The following SNTB1 variants were observed in gnomAD, a reference collection of about 807,000 sequenced individuals.
SNTB1 encodes the protein syntrophin beta 1.
In SNTB1, 36 loss-of-function variants were observed where a neutral mutation model predicts 48.9. The observed-to-expected ratio is 0.74, with a 90% CI of 0.56 to 0.97. The LOEUF is 0.97. Ranked by LOEUF, SNTB1 falls within the 50% of genes least tolerant of loss-of-function variation. SNTB1 has a pLI of 0.00. For synonymous variants in SNTB1, 299 were observed against 294.6 expected (o/e 1.01, Z -0.15); for missense variants, 786 against 703.4 (o/e 1.12, Z -1.33).
At chr8:120,759,403 A>T (rs1171760053) in intron 1 of SNTB1, among the ~76,000 whole-genome samples, 1 of 151,966 alleles carries the variant, frequency 6.6e-6, no homozygotes, top group Non-Finnish European at 1.5e-5. Flanking sequence ...AATTAGGTTG[A>T]TGGTTTGCTT....
intron 4 of SNTB1, among the ~76,000 whole-genome samples, chr8:120,560,483 A>AAAAT (rs1015195350): frequency 3.9e-5 from 6 of 152,094 alleles, no homozygotes; most frequent in Admixed American, 6.5e-5. Context: ...ACTTCGTCTC[A>AAAAT]AAATAAATAA....
At chr8:120,592,061 G>A (rs1816247527) in intron 3 of SNTB1, among the ~76,000 whole-genome samples, 1 of 152,058 alleles carries the variant, frequency 6.6e-6, no homozygotes, top group Admixed American at 6.5e-5. Context: ...CATTCATGAA[G>A]AAAGCTAAAT....
intron 1 of SNTB1, among the ~76,000 whole-genome samples, chr8:120,736,116 T>C (rs1818938994): frequency 6.6e-6 from 1 of 152,054 alleles, no homozygotes; most frequent in South Asian, 2.1e-4. Flanking sequence ...GAAGGAGAAG[T>C]GCCGAGTGAC....
At chr8:120,780,144 A>G (rs79344341) in intron 1 of SNTB1, among the ~76,000 whole-genome samples, 10,262 of 151,964 alleles carry the variant, frequency 0.068, 503 homozygotes, top group African/African-American at 0.14. Flanking sequence ...TGCTATCACA[A>G]AGCCAACAAG....
chr8:120,581,574 A>C (rs943811151), intron 3 of SNTB1, among the ~76,000 whole-genome samples: 2 of 151,812 alleles, frequency 1.3e-5, no homozygotes, highest in Non-Finnish European at 2.9e-5. Flanking sequence ...ATTGCACTCC[A>C]GCCTCGGCAA....
chr8:120,712,440 A>C (rs1209529957), intron 1 of SNTB1, among the ~76,000 whole-genome samples: 1 of 151,826 alleles, frequency 6.6e-6, no homozygotes, highest in Admixed American at 6.6e-5. Flanking sequence ...AAAAGAAGAA[A>C]TATATGACAT....
chr8:120,646,807 G>A (rs1817305240), intron 2 of SNTB1, among the ~76,000 whole-genome samples: 1 of 152,154 alleles, frequency 6.6e-6, no homozygotes, highest in Middle Eastern at 3.4e-3. Flanking sequence ...GACTCTTTTT[G>A]GTTGGTAAGC....
At chr8:120,703,051 A>ACTGT (rs1303247348) in intron 1 of SNTB1, among the ~76,000 whole-genome samples, 1 of 152,240 alleles carries the variant, frequency 6.6e-6, no homozygotes, top group Non-Finnish European at 1.5e-5. Flanking sequence ...AATTAGCACA[A>ACTGT]CTGTCTGGCT....
intron 1 of SNTB1, among the ~76,000 whole-genome samples, chr8:120,714,139 T>C (rs1818514786): frequency 6.6e-6 from 1 of 152,220 alleles, no homozygotes; most frequent in African/African-American, 2.4e-5. Flanking sequence ...GGATTTAGTC[T>C]ACCAGACCAG....
chr8:120,610,844 C>A lies in SNTB1; in HGVS notation c.996+21600G>T, dbSNP rs571591396. ...GTGATCAATTATTACTTTAGAGAGG[C>A]AATTAACAACGGCCTAACCATCACC... On this transcript the variant is annotated intron_variant, in intron 3 of 6. Transcript: ENST00000517992. Among the ~76,000 whole-genome samples the A allele has an allele frequency of 2.6e-5, 4 of 152,256 alleles. No individual in the cohort carries two copies. The South Asian group carries it at 8.3e-4, about 32-fold the overall frequency.
chr8:120,670,289 G>A (rs1817738509), intron 2 of SNTB1, among the ~76,000 whole-genome samples: 1 of 152,214 alleles, frequency 6.6e-6, no homozygotes, highest in Admixed American at 6.5e-5. Flanking sequence ...ATGGTTCCAT[G>A]ACACATGGGC....
chr8:120,770,138 G>A (rs1445204171), intron 1 of SNTB1, among the ~76,000 whole-genome samples: 1 of 152,170 alleles, frequency 6.6e-6, no homozygotes, highest in Non-Finnish European at 1.5e-5. Flanking sequence ...AGTTTATGCT[G>A]ATAGCTACTT....
chr8:120,755,864 AC>A (rs1456036407), intron 1 of SNTB1, among the ~76,000 whole-genome samples: 2 of 152,072 alleles, frequency 1.3e-5, no homozygotes, highest in African/African-American at 4.8e-5. Flanking sequence ...TGCTATTATA[AC>A]CCCCATTTGC....
intron 1 of SNTB1, among the ~76,000 whole-genome samples, chr8:120,723,864 G>T (rs2129957000): frequency 6.6e-6 from 1 of 152,322 alleles, no homozygotes; most frequent in East Asian, 1.9e-4. Context: ...TTATTGCTAG[G>T]AAGTGGCTCT....
chr8:120,637,414 A>T (rs1166137152), intron 2 of SNTB1: 1 of 203,272 alleles, frequency 4.9e-6, no homozygotes, highest in African/African-American at 2.4e-5. Context: ...GTTGCTCATA[A>T]ATCACTGTTT....
intron 4 of SNTB1, among the ~76,000 whole-genome samples, chr8:120,565,499 G>A (rs1586997754): frequency 6.6e-6 from 1 of 152,326 alleles, no homozygotes; most frequent in Middle Eastern, 3.4e-3. Flanking sequence ...ACGCTCTGGA[G>A]CATTCGTGTG....
intron 3 of SNTB1, among the ~76,000 whole-genome samples, chr8:120,595,403 G>A (rs900898550): frequency 2.0e-5 from 3 of 152,024 alleles, no homozygotes; most frequent in African/African-American, 4.8e-5. Context: ...TCCCACCAGC[G>A]CCATGACAGT....
intron 3 of SNTB1, among the ~76,000 whole-genome samples, chr8:120,590,227 G>A (rs970504752): frequency 2.6e-5 from 4 of 152,176 alleles, no homozygotes; most frequent in Non-Finnish European, 4.4e-5. Flanking sequence ...AATGTGGGGC[G>A]ACATGCTTTG....
Position 120,709,933 on chromosome 8 carries a change from A to T in SNTB1, c.572-16025T>A, listed in dbSNP as rs1157500264. The stretch of plus-strand genomic sequence containing the variant: ...GTATTTAAAAAAAAAAAGGTATGCC[A>T]TAAATAGTAGTTCCCTTTACCCTTT... On this transcript the variant is annotated intron_variant, in intron 1 of 6. Transcript: ENST00000517992. Among the ~76,000 whole-genome samples the T allele has an allele frequency of 2.6e-5, 4 of 152,182 alleles. No individual in the cohort carries two copies. The East Asian group carries it at 7.7e-4, about 29-fold the overall frequency.
Sources: allele counts gnomAD v4.1 joint callset (sites outside exome capture counted in the v4.1 genomes callset), GRCh38; gene constraint gnomAD v4.1.1; transcripts MANE v1.5; gene names NCBI Gene and HGNC (gene_info 2026-07-23, HGNC 2026-07-21).